CTXND1: variants seen among roughly 807,000 people sequenced by gnomAD.
The protein encoded by CTXND1 is cortexin domain containing 1.
chr15:80,230,903 CA>C (rs1234613878), intron 1 of CTXND1, among the ~76,000 whole-genome samples: 2 of 151,946 alleles, frequency 1.3e-5, no homozygotes, highest in Non-Finnish European at 2.9e-5. Flanking sequence ...ACTAAAAATA[CA>C]AAAATTAGCC....
chr15:80,201,089 A>G lies in CTXND1; in HGVS notation c.*681T>C, dbSNP rs927948368. On this transcript the variant is annotated 3_prime_UTR_variant, in exon 3 of 3. Transcript: ENST00000560778. ...ATGGTGGTTTCCGGGAGGTGGGATT[A>G]TAAGTGTTATTTCCTCCCCCTTTCT... 2.6e-5 allele frequency: 4 copies of G among 152,230 alleles called. No individual in the cohort carries two copies. Among genetic ancestry groups the G allele is most frequent in the Admixed American group, 6.5e-5 (1 of 15,290 alleles). The allele number at this position is 152,230 out of a possible 1,614,324, so 9.4% of individuals were successfully genotyped here. A position where few individuals can be genotyped will look rare whatever the true frequency, so the allele number is the denominator to read the frequency against.
chr15:80,205,218 C>T (rs748348518), intron 1 of CTXND1, among the ~76,000 whole-genome samples: 22 of 152,012 alleles, frequency 1.4e-4, no homozygotes, highest in African/African-American at 2.9e-4. Flanking sequence ...TTTTGTTGTA[C>T]GGATATCCCA....
At chr15:80,227,642 T>C (rs74725385) in intron 1 of CTXND1, among the ~76,000 whole-genome samples, 1 of 152,370 alleles carries the variant, frequency 6.6e-6, no homozygotes, top group East Asian at 1.9e-4. Flanking sequence ...CACTATATTG[T>C]ACATTAAACA....
At chr15:80,221,175 C>A (rs1893313528) in intron 1 of CTXND1, among the ~76,000 whole-genome samples, 2 of 151,818 alleles carry the variant, frequency 1.3e-5, no homozygotes, top group Non-Finnish European at 2.9e-5. Flanking sequence ...TCCCAAAGTG[C>A]TGGGATTACA....
intron 1 of CTXND1, among the ~76,000 whole-genome samples, chr15:80,208,430 C>T (rs1427025834): frequency 1.3e-5 from 2 of 152,184 alleles, no homozygotes; most frequent in African/African-American, 2.4e-5. Flanking sequence ...GTGCTCTCTA[C>T]TCACTGCTAG....
At chr15:80,240,515 C>A (rs774443901) in intron 1 of CTXND1, among the ~76,000 whole-genome samples, 10 of 152,174 alleles carry the variant, frequency 6.6e-5, no homozygotes, top group African/African-American at 1.9e-4. Context: ...ACACTCCCCC[C>A]CCACCACCCA....
Sources: gnomAD v4.1 joint callset for allele counts (sites outside exome capture counted in the v4.1 genomes callset) on GRCh38, gnomAD v4.1.1 for gene constraint, MANE v1.5 for transcripts, NCBI Gene and HGNC (gene_info 2026-07-23, HGNC 2026-07-21) for gene names.